The following MBOAT1 variants were observed in gnomAD, a reference collection of about 807,000 sequenced individuals.
MBOAT1 encodes membrane-bound glycerophospholipid O-acyltransferase 1.
A neutral mutation model predicts 64.4 loss-of-function variants in MBOAT1; 67 were observed. That is an observed-to-expected ratio of 1.04 (90% confidence interval 0.85 to 1.27). The LOEUF (loss-of-function observed/expected upper bound fraction) is 1.27, where lower values mean the gene tolerates loss of function less well. Among genes scored for constraint, MBOAT1 ranks in the 50% most tolerant of loss-of-function variants. MBOAT1 has a pLI of 0.00. For missense variants in MBOAT1, 563 were observed against 604.6 expected (o/e 0.93, Z 0.72); for synonymous variants, 229 against 218.9 (o/e 1.05, Z -0.41).
intron 1 of MBOAT1, among the ~76,000 whole-genome samples, chr6:20,203,012 T>C (rs1365072903): frequency 6.6e-6 from 1 of 152,210 alleles, no homozygotes; most frequent in Non-Finnish European, 1.5e-5. Context: ...CCTTTATAAA[T>C]GTAATTCCTG....
chr6:20,148,189 G>A (rs773397284), intron 3 of MBOAT1, among the ~76,000 whole-genome samples: 1 of 152,220 alleles, frequency 6.6e-6, no homozygotes, highest in Non-Finnish European at 1.5e-5. Context: ...GGAAGCCGAG[G>A]CAGGCAAATC....
chr6:20,108,430 C>T (rs913765172), intron 12 of MBOAT1, among the ~76,000 whole-genome samples: 1 of 152,260 alleles, frequency 6.6e-6, no homozygotes, highest in Admixed American at 6.5e-5. Flanking sequence ...TCACCTAACT[C>T]CTAGTATAAA....
At chr6:20,149,028 G>T (rs1761411333) in intron 3 of MBOAT1, among the ~76,000 whole-genome samples, 3 of 151,256 alleles carry the variant, frequency 2.0e-5, no homozygotes, top group Non-Finnish European at 4.4e-5. Context: ...TTGAACCCGG[G>T]AGGTGGAGGT....
chr6:20,118,572 G>A (rs753974831), intron 8 of MBOAT1, 32 bp from the exon 9 acceptor site: 24 of 1,539,870 alleles, frequency 1.6e-5, no homozygotes, highest in Non-Finnish European at 2.1e-5. Context: ...ATTAGGATAT[G>A]GAACAAAAGT....
intron 1 of MBOAT1, among the ~76,000 whole-genome samples, chr6:20,193,189 G>C (rs187684278): frequency 6.9e-4 from 104 of 151,662 alleles, no homozygotes; most frequent in African/African-American, 2.3e-3. Flanking sequence ...TGTATTTTTA[G>C]TAGAGACGGG....
chr6:20,181,843 T>C (rs930034534), intron 1 of MBOAT1, among the ~76,000 whole-genome samples: 3 of 152,202 alleles, frequency 2.0e-5, no homozygotes, highest in African/African-American at 4.8e-5. Flanking sequence ...TTAGTGCCTC[T>C]GAATAATGAG....
At chr6:20,169,659 G>A (rs1390493557) in intron 1 of MBOAT1, among the ~76,000 whole-genome samples, 1 of 151,196 alleles carries the variant, frequency 6.6e-6, no homozygotes, top group African/African-American at 2.4e-5. Context: ...CCACCCAACA[G>A]CAAACTAGAC....
intron 1 of MBOAT1, among the ~76,000 whole-genome samples, chr6:20,178,947 A>T (rs189967606): frequency 6.6e-6 from 1 of 151,260 alleles, no homozygotes; most frequent in Non-Finnish European, 1.5e-5. Context: ...TTTTTTTCCA[A>T]CTTTTAAGTT....
intron 9 of MBOAT1, among the ~76,000 whole-genome samples, chr6:20,116,258 G>A (rs1176844270): frequency 6.6e-6 from 1 of 152,036 alleles, no homozygotes; most frequent in Non-Finnish European, 1.5e-5. Flanking sequence ...CTTGAACCCA[G>A]GAGGCAGAGG....
chr6:20,102,477 T>C (rs1759830665), intron 12 of MBOAT1, 65 bp from the exon 13 acceptor site: 3 of 1,352,840 alleles, frequency 2.2e-6, no homozygotes, highest in African/African-American at 2.9e-5. Context: ...CACCACCTAA[T>C]TATATCACCT....
chr6:20,188,715 T>G (rs1762723026), intron 1 of MBOAT1, among the ~76,000 whole-genome samples: 1 of 152,184 alleles, frequency 6.6e-6, no homozygotes, highest in Non-Finnish European at 1.5e-5. Flanking sequence ...TAGCTTGAGT[T>G]ACTCCATATT....
At chr6:20,151,474 C>T (rs1266295500) in intron 2 of MBOAT1, among the ~76,000 whole-genome samples, 3 of 152,216 alleles carry the variant, frequency 2.0e-5, no homozygotes, top group African/African-American at 7.2e-5. Context: ...TTGCCAACTG[C>T]AGGGCTAATA....
chr6:20,182,379 T>C (rs981246864), intron 1 of MBOAT1, among the ~76,000 whole-genome samples: 1 of 152,136 alleles, frequency 6.6e-6, no homozygotes, highest in African/African-American at 2.4e-5. Context: ...CTTAATATTA[T>C]TGCATTAGGA....
chr6:20,128,825 A>G (rs1760734848), intron 5 of MBOAT1, 72 bp from the exon 6 acceptor site: 1 of 1,071,884 alleles, frequency 9.3e-7, no homozygotes, highest in African/African-American at 1.6e-5. Context: ...AAAGGGTCTT[A>G]TCAAAGTCAT....
chr6:20,151,957 C>T (rs922795157), intron 2 of MBOAT1, among the ~76,000 whole-genome samples: 26 of 152,132 alleles, frequency 1.7e-4, no homozygotes, highest in African/African-American at 6.0e-4. Context: ...GGAAAGGTTC[C>T]TTTTGGGAAA....
chr6:20,202,088 A>G (rs2113771542), intron 1 of MBOAT1, among the ~76,000 whole-genome samples: 1 of 152,308 alleles, frequency 6.6e-6, no homozygotes, highest in Admixed American at 6.5e-5. Context: ...ATGTAATTTC[A>G]TGAAATGACT....
chr6:20,137,689 A>G (rs1761037558), intron 4 of MBOAT1, among the ~76,000 whole-genome samples: 1 of 149,392 alleles, frequency 6.7e-6, no homozygotes, highest in South Asian at 2.2e-4. Context: ...ATAATCTAAA[A>G]TACAAGTTTA....
intron 4 of MBOAT1, among the ~76,000 whole-genome samples, chr6:20,133,287 C>A (rs571111141): frequency 3.3e-5 from 5 of 152,292 alleles, no homozygotes; most frequent in African/African-American, 7.2e-5. Context: ...AGATGACACC[C>A]ATTTACACCA....
intron 1 of MBOAT1, among the ~76,000 whole-genome samples, chr6:20,165,968 A>AT (rs1762005574): frequency 6.6e-6 from 1 of 152,136 alleles, no homozygotes; most frequent in South Asian, 2.1e-4. Flanking sequence ...ATGAATGCTC[A>AT]TTTAAAAAAA....
Sources: gnomAD v4.1 joint callset for allele counts (sites outside exome capture counted in the v4.1 genomes callset) on GRCh38, gnomAD v4.1.1 for gene constraint, MANE v1.5 for transcripts, NCBI Gene and HGNC (gene_info 2026-07-23, HGNC 2026-07-21) for gene names.